The following TBL1XR1 variants were observed in gnomAD, a reference collection of about 807,000 sequenced individuals.
TBL1XR1 encodes F-box-like/WD repeat-containing protein TBL1XR1.
Under a neutral mutation model 66.9 loss-of-function variants are expected in TBL1XR1, and 5 were observed. The observed-to-expected ratio is 0.07, with a 90% CI of 0.04 to 0.16. The LOEUF (loss-of-function observed/expected upper bound fraction) is 0.16, where lower values mean the gene tolerates loss of function less well. Ranked by LOEUF, TBL1XR1 falls within the 10% of genes least tolerant of loss-of-function variation. The pLI, the probability that TBL1XR1 is intolerant of heterozygous loss-of-function variation, is 1.00. For missense variants in TBL1XR1, 238 were observed against 623.2 expected (o/e 0.38, Z 6.58); for synonymous variants, 210 against 206.0 (o/e 1.02, Z -0.17).
upstream of TBL1XR1, among the ~76,000 whole-genome samples, chr3:177,199,186 G>A (rs1737284498): frequency 6.6e-6 from 1 of 152,112 alleles, no homozygotes; most frequent in Non-Finnish European, 1.5e-5. Flanking sequence ...TGGGAATGTT[G>A]GATTAAACAA....
chr3:177,099,833 C>T (rs1478514894), intron 1 of TBL1XR1, among the ~76,000 whole-genome samples: 1 of 152,172 alleles, frequency 6.6e-6, no homozygotes, highest in Non-Finnish European at 1.5e-5. Context: ...TTATATAGGG[C>T]TACTTGTTAT....
At chr3:177,027,076 C>G (rs1418640600) in intron 14 of TBL1XR1, 1 of 152,192 alleles carries the variant, frequency 6.6e-6, no homozygotes, top group Non-Finnish European at 1.5e-5. Flanking sequence ...GCTCACTGCA[C>G]CTTCTAACTC....
intron 7 of TBL1XR1, among the ~76,000 whole-genome samples, chr3:177,049,338 G>A (rs958389308): frequency 4.6e-5 from 7 of 152,262 alleles, no homozygotes; most frequent in South Asian, 4.2e-4. Context: ...AGGGGGTAGC[G>A]GAGCGAGGTA....
chr3:177,111,486 G>A (rs1725560006), intron 1 of TBL1XR1, among the ~76,000 whole-genome samples: 1 of 152,028 alleles, frequency 6.6e-6, no homozygotes, highest in South Asian at 2.1e-4. Context: ...GATCGGTTGA[G>A]CCTGGGTTTC....
chr3:177,030,193 G>A (rs1007846020), intron 14 of TBL1XR1, among the ~76,000 whole-genome samples: 2 of 151,710 alleles, frequency 1.3e-5, no homozygotes, highest in African/African-American at 4.8e-5. Context: ...TCATTCATGT[G>A]CACAAGAAAA....
At chr3:177,195,442 T>C (rs1160979420) in intron 1 of TBL1XR1, 1 of 53,904 alleles carries the variant, frequency 1.9e-5, no homozygotes, top group African/African-American at 4.0e-5. Context: ...CTATAAACTA[T>C]TAAAATGGTG....
At chr3:177,054,119 TTC>T (rs1175160919) in intron 3 of TBL1XR1, among the ~76,000 whole-genome samples, 2 of 151,976 alleles carry the variant, frequency 1.3e-5, no homozygotes, top group Non-Finnish European at 2.9e-5. Context: ...TTTACATACT[TTC>T]TTTTTCTCTT....
intron 1 of TBL1XR1, among the ~76,000 whole-genome samples, chr3:177,193,288 C>A (rs1736400384): frequency 6.6e-6 from 1 of 152,070 alleles, no homozygotes; most frequent in South Asian, 2.1e-4. Flanking sequence ...ACAAAGACTT[C>A]AATGATTTTT....
At chr3:177,035,244 TAA>T (rs2108419624) in intron 12 of TBL1XR1, among the ~76,000 whole-genome samples, 1 of 152,276 alleles carries the variant, frequency 6.6e-6, no homozygotes, top group African/African-American at 2.4e-5. Flanking sequence ...TCCCTTGAAA[TAA>T]GTTTCCTCTA....
intron 2 of TBL1XR1, among the ~76,000 whole-genome samples, chr3:177,080,752 T>C (rs1721295717): frequency 6.6e-6 from 1 of 152,208 alleles, no homozygotes; most frequent in African/African-American, 2.4e-5. Context: ...TCAAAAACTG[T>C]GGTTTTCTAA....
intron 1 of TBL1XR1, among the ~76,000 whole-genome samples, chr3:177,127,327 C>A (rs1272030097): frequency 1.3e-5 from 2 of 152,166 alleles, no homozygotes; most frequent in African/African-American, 2.4e-5. Flanking sequence ...CTGTAATTCT[C>A]AGTATCATTA....
intron 1 of TBL1XR1, among the ~76,000 whole-genome samples, chr3:177,113,098 AAC>A (rs1409473860): frequency 1.3e-5 from 2 of 152,154 alleles, no homozygotes; most frequent in African/African-American, 4.8e-5. Flanking sequence ...AGGTGCCAAG[AAC>A]ACACAGTGGG....
chr3:177,082,462 C>T (rs183149829), intron 2 of TBL1XR1, among the ~76,000 whole-genome samples: 2 of 151,584 alleles, frequency 1.3e-5, no homozygotes, highest in Admixed American at 1.3e-4. Context: ...ACTTTTCTCT[C>T]ATCCCCACTC....
chr3:177,080,457 G>A (rs1417491411), intron 2 of TBL1XR1, among the ~76,000 whole-genome samples: 1 of 152,014 alleles, frequency 6.6e-6, no homozygotes, highest in East Asian at 1.9e-4. Context: ...AAAATGATTA[G>A]AGTAAATTAA....
chr3:177,028,431 T>C (rs1253836062), intron 14 of TBL1XR1, among the ~76,000 whole-genome samples: 1 of 152,204 alleles, frequency 6.6e-6, no homozygotes, highest in African/African-American at 2.4e-5. Flanking sequence ...AAAATTGATT[T>C]TGTCACAATG....
chr3:177,052,063 C>T (rs1717163716), intron 4 of TBL1XR1, among the ~76,000 whole-genome samples: 1 of 152,258 alleles, frequency 6.6e-6, no homozygotes, highest in East Asian at 1.9e-4. Context: ...AAGCAACAAA[C>T]AATATGGAAT....
chr3:177,115,081 G>C (rs1577212020), intron 1 of TBL1XR1, among the ~76,000 whole-genome samples: 1 of 152,224 alleles, frequency 6.6e-6, no homozygotes, highest in East Asian at 1.9e-4. Flanking sequence ...TACTGCCACA[G>C]TGCCATGGGC....
intron 7 of TBL1XR1, chr3:177,047,874 G>A (rs1716530988): frequency 7.6e-6 from 2 of 261,588 alleles, no homozygotes; most frequent in South Asian, 9.4e-5. Flanking sequence ...GTAGAGTGGT[G>A]GACTGGGAAG....
At chr3:177,113,352 C>T (rs373345998) in intron 1 of TBL1XR1, among the ~76,000 whole-genome samples, 3 of 152,116 alleles carry the variant, frequency 2.0e-5, no homozygotes, top group East Asian at 3.9e-4. Context: ...GTACAAGCAA[C>T]GAAAGCAAAA....
Sources: allele counts gnomAD v4.1 joint callset (sites outside exome capture counted in the v4.1 genomes callset), GRCh38; gene constraint gnomAD v4.1.1; transcripts MANE v1.5; gene names NCBI Gene and HGNC (gene_info 2026-07-23, HGNC 2026-07-21).